The following ERC2 variants were observed in gnomAD, a reference collection of about 807,000 sequenced individuals.
ERC2 encodes the protein ELKS/RAB6-interacting/CAST family member 2, also known as ERC protein 2.
ERC2 carries 42 observed loss-of-function variants against 114.8 expected under a neutral mutation model. The observed-to-expected ratio is 0.37, with a 90% confidence interval of 0.29 to 0.47. The LOEUF (loss-of-function observed/expected upper bound fraction) is 0.47. ERC2 is among the 20% of genes least tolerant of loss of function. The probability of loss-of-function intolerance (pLI) is 0.99; values close to 1 mark genes in which losing one functional copy is unlikely to be tolerated. For missense variants in ERC2, 939 were observed against 1,150.7 expected (o/e 0.82, Z 2.66); for synonymous variants, 454 against 425.5 (o/e 1.07, Z -0.82).
At chr3:55,512,233 G>A (rs921378021) in intron 17 of ERC2, among the ~76,000 whole-genome samples, 3 of 152,198 alleles carry the variant, frequency 2.0e-5, no homozygotes, top group Non-Finnish European at 2.9e-5. Flanking sequence ...TCAAGCCATC[G>A]TTAAGTAGTG....
chr3:56,180,955 G>A (rs1286761416), intron 3 of ERC2, among the ~76,000 whole-genome samples: 1 of 152,122 alleles, frequency 6.6e-6, no homozygotes, highest in Non-Finnish European at 1.5e-5. Flanking sequence ...CTTTCATTAT[G>A]TATGTATGTC....
chr3:55,943,472 T>C (rs1479692294), intron 13 of ERC2, among the ~76,000 whole-genome samples: 6 of 151,812 alleles, frequency 4.0e-5, no homozygotes, highest in African/African-American at 1.5e-4. Context: ...TTTTTTTCAG[T>C]GTACGAAACC....
intron 2 of ERC2, among the ~76,000 whole-genome samples, chr3:56,371,874 C>T (rs1052440251): frequency 2.6e-5 from 4 of 152,230 alleles, no homozygotes; most frequent in African/African-American, 7.2e-5. Context: ...ATATGCTCAC[C>T]CCAGACTGAC....
chr3:56,447,191 G>A (rs942224283), intron 1 of ERC2, among the ~76,000 whole-genome samples: 1 of 152,226 alleles, frequency 6.6e-6, no homozygotes, highest in Admixed American at 6.5e-5. Context: ...GCTTGGCCAC[G>A]GGGGACTGGG....
chr3:55,776,266 A>G lies in ERC2; in HGVS notation c.2565-41348T>C, dbSNP rs576333272. Among the ~76,000 whole-genome samples, 18 of 152,164 alleles carry G rather than the reference A, an allele frequency of 1.2e-4. No homozygotes were observed. In the South Asian group the frequency reaches 3.5e-3, roughly 30 times the overall value. On this transcript the variant is annotated intron_variant, in intron 14 of 17. Transcript: ENST00000288221. Reference sequence around the variant, plus strand: ...GTCCTAGGTCCTGGAAATCTCAAGAAGCGGGTCTGTCTGCACACCATGGAG... The same window carrying G: ...GTCCTAGGTCCTGGAAATCTCAAGAGGCGGGTCTGTCTGCACACCATGGAG...
At chr3:55,936,901 A>G (rs2066478023) in intron 13 of ERC2, among the ~76,000 whole-genome samples, 1 of 152,204 alleles carries the variant, frequency 6.6e-6, no homozygotes, top group Non-Finnish European at 1.5e-5. Context: ...TGTTTTCTAA[A>G]TGACCACACA....
rs560621438 is a variant in ERC2 at position 55,766,185 on chromosome 3, C to T, written c.2565-31267G>A. 1.8e-3 allele frequency among the ~76,000 whole-genome samples: 276 copies of T among 151,570 alleles called. 2 individuals carry two copies. The highest frequency in any genetic ancestry group is 6.3e-3 in the African/African-American group (258 of 41,244). ...CGCCAAAACCTGCTGTGGCCAAGGG[C>T]TGGCAACAGAAGGAAAGCTGCCCAT... is the stretch of plus-strand genomic sequence containing the variant. On this transcript the variant is annotated intron_variant, in intron 14 of 17. Coordinates refer to ENST00000288221, the MANE Select transcript of ERC2 (RefSeq NM_015576.3).
chr3:56,175,438 G>A (rs1160212770), intron 3 of ERC2, among the ~76,000 whole-genome samples: 1 of 152,136 alleles, frequency 6.6e-6, no homozygotes, highest in Non-Finnish European at 1.5e-5. Context: ...TGTCCCTCTA[G>A]AGGCACTGGA....
At position 55,989,482 on chromosome 3, in the gene ERC2, A is replaced by G. The variant is rs777487279; in HGVS notation, c.2255+2575T>C. Among the ~76,000 whole-genome samples, 16 of 152,326 alleles carry G rather than the reference A, an allele frequency of 1.1e-4. No individual in the cohort carries two copies. The South Asian group carries it at 1.9e-3, about 18-fold the overall frequency. On this transcript the variant is annotated intron_variant, in intron 11 of 17. Transcript: ENST00000288221. ...CACATCACTTTCTCTCCTGTATGCT[A>G]ATAAAGAGGTAGATCTCTTGCAGCC...
intron 3 of ERC2, among the ~76,000 whole-genome samples, chr3:56,202,434 A>T (rs2048458667): frequency 6.6e-6 from 1 of 152,032 alleles, no homozygotes; most frequent in Non-Finnish European, 1.5e-5. Context: ...ATGCAACTGC[A>T]CTGCAATCTA....
chr3:56,295,334 C>G (rs1310939185), intron 3 of ERC2, among the ~76,000 whole-genome samples: 1 of 151,754 alleles, frequency 6.6e-6, no homozygotes, highest in Non-Finnish European at 1.5e-5. Context: ...GGCAGTCATC[C>G]ACATTTTTTC....
chr3:55,517,468 A>AAT (rs1553686519), intron 17 of ERC2, among the ~76,000 whole-genome samples: 11 of 151,904 alleles, frequency 7.2e-5, no homozygotes, highest in African/African-American at 2.7e-4. Flanking sequence ...AAAAAAAAAA[A>AAT]AATTATCAAA....
intron 13 of ERC2, among the ~76,000 whole-genome samples, chr3:55,947,113 T>C (rs1282349048): frequency 2.0e-5 from 3 of 152,160 alleles, no homozygotes; most frequent in South Asian, 2.1e-4. Flanking sequence ...AGATTTCACA[T>C]ACAAATTCCC....
chr3:56,103,333 T>C (rs1469148005), intron 6 of ERC2, among the ~76,000 whole-genome samples: 1 of 152,140 alleles, frequency 6.6e-6, no homozygotes, highest in Non-Finnish European at 1.5e-5. Context: ...CTGGGTTTTA[T>C]CTTGATGGCA....
Position 55,757,098 on chromosome 3 carries a change from A to G in ERC2, c.2565-22180T>C, listed in dbSNP as rs28757740. On this transcript the variant is annotated intron_variant, in intron 14 of 17. Transcript: ENST00000288221. ...ACTAAAAACTACTCCCCTTGAAACT[A>G]TGGTGTATGTGGGTATTCAGAAAAG... Among the ~76,000 whole-genome samples, 524 of 152,268 alleles carry G rather than the reference A, an allele frequency of 3.4e-3. 5 individuals are homozygous for G. Among genetic ancestry groups the G allele is most frequent in the African/African-American group, 0.012 (503 of 41,558 alleles).
At chr3:56,358,751 T>C (rs940017744) in intron 2 of ERC2, among the ~76,000 whole-genome samples, 2 of 152,256 alleles carry the variant, frequency 1.3e-5, no homozygotes, top group Non-Finnish European at 1.5e-5. Flanking sequence ...TATCCTCATC[T>C]GCAATATGGG....
chr3:56,083,043 A>C (rs973906390), intron 6 of ERC2, among the ~76,000 whole-genome samples: 1 of 152,214 alleles, frequency 6.6e-6, no homozygotes, highest in Non-Finnish European at 1.5e-5. Context: ...GGTGCCAAAA[A>C]GGTTGGGGAC....
chr3:56,423,044 C>G (rs892037775), intron 2 of ERC2, among the ~76,000 whole-genome samples: 1 of 152,180 alleles, frequency 6.6e-6, no homozygotes, highest in Non-Finnish European at 1.5e-5. Context: ...AAGATTGACA[C>G]CTATTTACCA....
At chr3:56,133,334 G>A (rs144838187) in intron 6 of ERC2, among the ~76,000 whole-genome samples, 2,153 of 152,280 alleles carry the variant, frequency 0.014, 21 homozygotes, top group Middle Eastern at 0.02. Context: ...TTAGTTGGGA[G>A]GCTGAGGCAG....
Sources: allele counts gnomAD v4.1 joint callset (sites outside exome capture counted in the v4.1 genomes callset), GRCh38; gene constraint gnomAD v4.1.1; transcripts MANE v1.5; gene names NCBI Gene and HGNC (gene_info 2026-07-23, HGNC 2026-07-21).